The following CCDC178 variants were observed in gnomAD, a reference collection of about 807,000 sequenced individuals.
CCDC178 encodes coiled-coil domain containing 178, also known as coiled-coil domain-containing protein 178.
CCDC178 carries 126 observed loss-of-function variants against 117.4 expected under a neutral mutation model. The ratio of observed to expected loss-of-function variants is 1.07; its 90% CI spans 0.93 to 1.24. The LOEUF (loss-of-function observed/expected upper bound fraction) is 1.24, where lower values mean the gene tolerates loss of function less well. Ranked by LOEUF, CCDC178 falls within the 50% of genes most tolerant of loss-of-function variation. CCDC178 has a pLI of 0.00. For missense variants in CCDC178, 1,030 were observed against 986.9 expected (o/e 1.04, Z -0.59); for synonymous variants, 283 against 313.4 (o/e 0.90, Z 1.02).
chr18:33,369,465 T>G (rs542933685), intron 6 of CCDC178, among the ~76,000 whole-genome samples: 1 of 152,020 alleles, frequency 6.6e-6, no homozygotes, highest in Non-Finnish European at 1.5e-5. Flanking sequence ...TAATTCTGCA[T>G]TAGTTGTTCA....
intron 12 of CCDC178, among the ~76,000 whole-genome samples, chr18:33,286,026 T>G (rs1220396883): frequency 6.9e-6 from 1 of 144,180 alleles, no homozygotes; most frequent in Admixed American, 7.3e-5. Flanking sequence ...CAGGCTGGAG[T>G]GCAGTGGTGC....
intron 20 of CCDC178, among the ~76,000 whole-genome samples, chr18:33,163,448 G>C (rs1220425644): frequency 2.0e-5 from 3 of 152,026 alleles, no homozygotes; most frequent in Non-Finnish European, 4.4e-5. Flanking sequence ...ATAGAAAATA[G>C]AGAACCATGG....
At chr18:33,317,371 A>G (rs1161381899) in intron 11 of CCDC178, among the ~76,000 whole-genome samples, 3 of 152,138 alleles carry the variant, frequency 2.0e-5, no homozygotes, top group Non-Finnish European at 4.4e-5. Context: ...ACCAGAAGGA[A>G]GAAACTCCGA....
intron 3 of CCDC178, among the ~76,000 whole-genome samples, chr18:33,405,242 C>CA (rs1852424300): frequency 1.3e-5 from 2 of 151,424 alleles, no homozygotes; most frequent in African/African-American, 4.8e-5. Flanking sequence ...TCAAGAATTA[C>CA]AAAAATGTAT....
intron 10 of CCDC178, among the ~76,000 whole-genome samples, chr18:33,328,301 C>T (rs142917286): frequency 0.037 from 5,669 of 151,934 alleles, 317 homozygotes; most frequent in Admixed American, 0.15. Context: ...CGGGGTTTCA[C>T]CATGTTGGCC....
At chr18:33,170,242 G>T (rs1053197887) in intron 20 of CCDC178, among the ~76,000 whole-genome samples, 1 of 152,070 alleles carries the variant, frequency 6.6e-6, no homozygotes, top group African/African-American at 2.4e-5. Context: ...GAGCCTCTGT[G>T]TTAAGTTCCT....
intron 15 of CCDC178, among the ~76,000 whole-genome samples, chr18:33,227,709 A>C (rs1291613208): frequency 6.6e-6 from 1 of 151,838 alleles, no homozygotes; most frequent in African/African-American, 2.4e-5. Context: ...CAAAGAAACA[A>C]GCCAGCAGGC....
intron 20 of CCDC178, among the ~76,000 whole-genome samples, chr18:33,190,519 C>T (rs271457): frequency 2.6e-5 from 4 of 151,898 alleles, no homozygotes; most frequent in African/African-American, 4.8e-5. Flanking sequence ...TAATACTTTT[C>T]GTAATTATTT....
chr18:33,121,554 A>G lies in CCDC178; in HGVS notation c.2239-28644T>C, dbSNP rs190660076. On this transcript the variant is annotated intron_variant, in intron 20 of 22. Coordinates refer to ENST00000383096, the MANE Select transcript of CCDC178 (RefSeq NM_001105528.4). Reference sequence around the variant, plus strand: ...ATTCTGCTTCTTGGGCTGAACCCTCATAGAGGGGCTATCTTGGAATTCTGA... The same window carrying G: ...ATTCTGCTTCTTGGGCTGAACCCTCGTAGAGGGGCTATCTTGGAATTCTGA... Among the ~76,000 whole-genome samples, 9 of 152,272 alleles carry G rather than the reference A, an allele frequency of 5.9e-5. No individual in the cohort carries two copies. In the East Asian group the frequency reaches 1.5e-3, roughly 26 times the overall value.
chr18:33,069,438 C>T (rs1457737592), intron 21 of CCDC178, among the ~76,000 whole-genome samples: 1 of 152,040 alleles, frequency 6.6e-6, no homozygotes, highest in Non-Finnish European at 1.5e-5. Context: ...AGGATACCCT[C>T]TTCAATAAAT....
chr18:33,162,076 G>C (rs988613516), intron 20 of CCDC178, among the ~76,000 whole-genome samples: 2 of 152,034 alleles, frequency 1.3e-5, no homozygotes, highest in African/African-American at 4.8e-5. Context: ...GCAAACTATC[G>C]CAAGGACAGA....
intron 21 of CCDC178, among the ~76,000 whole-genome samples, chr18:33,037,228 A>G (rs1054656581): frequency 5.9e-5 from 9 of 151,998 alleles, no homozygotes; most frequent in Non-Finnish European, 1.5e-5. Context: ...GCATTAATAG[A>G]CTGTGTTGAT....
intron 21 of CCDC178, among the ~76,000 whole-genome samples, chr18:33,018,843 AATC>A (rs2056053040): frequency 6.6e-6 from 1 of 152,142 alleles, no homozygotes; most frequent in African/African-American, 2.4e-5. Flanking sequence ...ATATAAAAAA[AATC>A]ATGGAAATGT....
chr18:32,982,153 T>C (rs2055166857), intron 21 of CCDC178, among the ~76,000 whole-genome samples: 1 of 152,104 alleles, frequency 6.6e-6, no homozygotes. Context: ...TAAATCATTT[T>C]TAGAGACATA....
At chr18:33,083,427 T>C (rs1213515997) in intron 21 of CCDC178, among the ~76,000 whole-genome samples, 2 of 152,240 alleles carry the variant, frequency 1.3e-5, no homozygotes, top group African/African-American at 4.8e-5. Flanking sequence ...CAAAGTACAA[T>C]ATCACCATTG....
intron 21 of CCDC178, among the ~76,000 whole-genome samples, chr18:33,002,233 A>G (rs1036020643): frequency 6.6e-6 from 1 of 152,152 alleles, no homozygotes; most frequent in African/African-American, 2.4e-5. Context: ...ACACATTCTT[A>G]TCCTCAGCAC....
At chr18:33,149,240 C>A (rs2144334032) in intron 20 of CCDC178, among the ~76,000 whole-genome samples, 1 of 152,238 alleles carries the variant, frequency 6.6e-6, no homozygotes, top group African/African-American at 2.4e-5. Context: ...TACTAACTGA[C>A]TTAGGGTTTT....
intron 21 of CCDC178, among the ~76,000 whole-genome samples, chr18:33,075,900 C>T (rs1476601402): frequency 2.6e-5 from 4 of 152,036 alleles, no homozygotes; most frequent in Admixed American, 1.3e-4. Context: ...TCCCAGGAGG[C>T]GGAGGTTGTA....
At chr18:33,183,931 A>G (rs530399544) in intron 20 of CCDC178, among the ~76,000 whole-genome samples, 2 of 152,204 alleles carry the variant, frequency 1.3e-5, no homozygotes, top group South Asian at 2.1e-4. Flanking sequence ...GCTATTTAAT[A>G]TTTTATTAGA....
Sources: gnomAD v4.1 joint callset for allele counts (sites outside exome capture counted in the v4.1 genomes callset) on GRCh38, gnomAD v4.1.1 for gene constraint, MANE v1.5 for transcripts, NCBI Gene and HGNC (gene_info 2026-07-23, HGNC 2026-07-21) for gene names.